Variants in HDAC9 observed in about 807,000 individuals in gnomAD.
The protein encoded by HDAC9 is histone deacetylase 9, also known as MEF-2 interacting transcription repressor (MITR) protein.
In HDAC9, 41 loss-of-function variants were observed where a neutral mutation model predicts 139.4. The ratio of observed to expected loss-of-function variants is 0.29; its 90% CI spans 0.23 to 0.38. The LOEUF (loss-of-function observed/expected upper bound fraction) is 0.38. Ranked by LOEUF, HDAC9 falls within the 10% of genes least tolerant of loss-of-function variation. HDAC9 has a pLI of 1.00. For missense variants in HDAC9, 1,147 were observed against 1,297.0 expected, an observed-to-expected ratio of 0.88 and a Z score of 1.78; for synonymous variants, 517 against 476.2, an observed-to-expected ratio of 1.09 and a Z score of -1.12.
At chr7:18,163,388 G>T (rs1787787769) in intron 2 of HDAC9, among the ~76,000 whole-genome samples, 1 of 152,198 alleles carries the variant, frequency 6.6e-6, no homozygotes, top group Admixed American at 6.5e-5. Context: ...ATGCCTGTTA[G>T]CTCTGAGTCT....
intron 16 of HDAC9, among the ~76,000 whole-genome samples, chr7:18,784,408 CATTT>C (rs2129172777): frequency 6.6e-6 from 1 of 151,706 alleles, no homozygotes; most frequent in East Asian, 1.9e-4. Flanking sequence ...ACCTAGTAAA[CATTT>C]AATTTATTCC....
intron 2 of HDAC9, among the ~76,000 whole-genome samples, chr7:18,252,070 T>C (rs963510596): frequency 1.3e-5 from 2 of 152,208 alleles, no homozygotes; most frequent in Non-Finnish European, 2.9e-5. Context: ...CTTGAGAGCA[T>C]GCAGCATTTA....
intron 21 of HDAC9, among the ~76,000 whole-genome samples, chr7:18,864,612 T>TA (rs34307478): frequency 3.1e-4 from 45 of 145,914 alleles, no homozygotes; most frequent in East Asian, 1.6e-3. Context: ...TTACCACAAT[T>TA]AAAAAAAAAA....
chr7:18,557,356 T>TA (rs1554496431), intron 2 of HDAC9, among the ~76,000 whole-genome samples: 5 of 149,342 alleles, frequency 3.3e-5, no homozygotes, highest in Admixed American at 6.7e-5. Context: ...TTTTTTTTTT[T>TA]ATATCTAACC....
chr7:18,212,157 A>G (rs1791982115), intron 2 of HDAC9, among the ~76,000 whole-genome samples: 1 of 152,190 alleles, frequency 6.6e-6, no homozygotes, highest in Non-Finnish European at 1.5e-5. Flanking sequence ...GATTAGGATG[A>G]TGATAAACAG....
At chr7:18,441,415 A>G (rs1791745887) in intron 1 of HDAC9, among the ~76,000 whole-genome samples, 1 of 152,212 alleles carries the variant, frequency 6.6e-6, no homozygotes, top group Admixed American at 6.5e-5. Flanking sequence ...AAAATGTTAA[A>G]TGTTTAAATA....
At chr7:18,985,090 T>C (rs1646583883) in intron 25 of HDAC9, among the ~76,000 whole-genome samples, 1 of 152,164 alleles carries the variant, frequency 6.6e-6, no homozygotes, top group Non-Finnish European at 1.5e-5. Context: ...ATTATTATTA[T>C]ACTTTAAGTT....
intron 1 of HDAC9, among the ~76,000 whole-genome samples, chr7:18,490,050 C>G (rs999141472): frequency 1.3e-5 from 2 of 152,040 alleles, no homozygotes; most frequent in South Asian, 2.1e-4. Flanking sequence ...CTAGCCTTAC[C>G]TAGTCTAATT....
intron 12 of HDAC9, among the ~76,000 whole-genome samples, chr7:18,690,655 T>A (rs573954096): frequency 6.6e-6 from 1 of 152,008 alleles, no homozygotes; most frequent in African/African-American, 2.4e-5. Flanking sequence ...TAAATGTGGC[T>A]ATAGTACACA....
intron 1 of HDAC9, among the ~76,000 whole-genome samples, chr7:18,473,047 A>C (rs1794843180): frequency 6.6e-6 from 1 of 152,234 alleles, no homozygotes; most frequent in South Asian, 2.1e-4. Flanking sequence ...ACGGAGAAGA[A>C]AACTCAGCAA....
intron 6 of HDAC9, among the ~76,000 whole-genome samples, chr7:18,599,497 T>A (rs963237090): frequency 6.6e-6 from 1 of 152,176 alleles, no homozygotes; most frequent in African/African-American, 2.4e-5. Context: ...TAACCACTAA[T>A]TTTTTTATTG....
chr7:18,270,528 C>T (rs1366456752), intron 2 of HDAC9, among the ~76,000 whole-genome samples: 1 of 152,112 alleles, frequency 6.6e-6, no homozygotes, highest in Admixed American at 6.5e-5. Context: ...TTGTGGGATA[C>T]TACCTTCATA....
At chr7:18,206,560 G>A (rs1184073408) in intron 2 of HDAC9, among the ~76,000 whole-genome samples, 2 of 152,106 alleles carry the variant, frequency 1.3e-5, no homozygotes, top group African/African-American at 2.4e-5. Flanking sequence ...GAAAAGGTGG[G>A]GATGTGGGGG....
At chr7:18,580,951 C>A (rs1827632382) in intron 2 of HDAC9, among the ~76,000 whole-genome samples, 1 of 152,102 alleles carries the variant, frequency 6.6e-6, no homozygotes, top group South Asian at 2.1e-4. Flanking sequence ...TAAGAAAAAT[C>A]CAACATTCCT....
At chr7:18,950,158 T>C (rs1477606470) in intron 23 of HDAC9, among the ~76,000 whole-genome samples, 1 of 152,094 alleles carries the variant, frequency 6.6e-6, no homozygotes, top group Non-Finnish European at 1.5e-5. Flanking sequence ...CATTTTATTG[T>C]CATTCTATTG....
At chr7:18,451,155 G>C (rs559618288) in intron 1 of HDAC9, among the ~76,000 whole-genome samples, 2 of 152,122 alleles carry the variant, frequency 1.3e-5, no homozygotes, top group East Asian at 3.9e-4. Flanking sequence ...GAGGGAGCTT[G>C]TGGGCCCCTT....
intron 2 of HDAC9, chr7:18,502,685 T>C (rs1010820932): frequency 3.3e-5 from 5 of 152,160 alleles, no homozygotes; most frequent in Non-Finnish European, 5.9e-5. Flanking sequence ...TTATTAATAT[T>C]GAATAGATTG....
At position 18,265,732 on chromosome 7, in the gene HDAC9, GT is replaced by G. The variant is rs1041953970; in HGVS notation, c.25+103385del. 5.0e-4 allele frequency among the ~76,000 whole-genome samples: 76 copies of G among 152,212 alleles called. 1 individual carries two copies. The highest frequency in any genetic ancestry group is 1.8e-3 in the African/African-American group (76 of 41,546). On this transcript the variant is annotated intron_variant, in intron 2 of 12. Transcript: ENST00000417496. ...TTAGGAGAGTAGCAGTGTTTGCATTGTTGCAAATAGCTTTGATATTTAACTT... is the reference window on the plus strand; with the variant it reads ...TTAGGAGAGTAGCAGTGTTTGCATTGTGCAAATAGCTTTGATATTTAACTT...
chr7:18,139,020 AT>A lies in HDAC9; in HGVS notation c.-96-23205del, dbSNP rs532225922. Among the ~76,000 whole-genome samples, 8 of 151,252 alleles carry A rather than the reference AT, an allele frequency of 5.3e-5. No homozygotes were observed. The South Asian group carries it at 1.7e-3, about 31-fold the overall frequency. Reference sequence around the variant, plus strand: ...TAGTCAGGTAATCAGATGTGTTAAAATTTTCTTTTAAATGATTCATTCTAGA... The same window carrying A: ...TAGTCAGGTAATCAGATGTGTTAAAATTTCTTTTAAATGATTCATTCTAGA... On this transcript the variant is annotated intron_variant, in intron 1 of 12. Coordinates refer to the HDAC9 transcript ENST00000417496.
Sources: gnomAD v4.1 joint callset for allele counts (sites outside exome capture counted in the v4.1 genomes callset) on GRCh38, gnomAD v4.1.1 for gene constraint, MANE v1.5 for transcripts, NCBI Gene and HGNC (gene_info 2026-07-23, HGNC 2026-07-21) for gene names.